YY1AP1: variants seen among roughly 807,000 people sequenced by gnomAD.
The protein encoded by YY1AP1 is YY1 associated protein 1.
In YY1AP1, 43 loss-of-function variants were observed where a neutral mutation model predicts 39.9. The observed-to-expected ratio is 1.08, with a 90% CI of 0.84 to 1.39. The LOEUF (loss-of-function observed/expected upper bound fraction) is 1.39, where lower values mean the gene tolerates loss of function less well. Ranked by LOEUF, YY1AP1 falls within the 40% of genes most tolerant of loss-of-function variation. The pLI is 0.00. For missense variants in YY1AP1, 813 were observed against 900.7 expected, an observed-to-expected ratio of 0.90 and a Z score of 1.25; for synonymous variants, 292 against 331.3, an observed-to-expected ratio of 0.88 and a Z score of 1.29.
At chr1:155,685,561 C>CT (rs1353304891) in intron 2 of YY1AP1, among the ~76,000 whole-genome samples, 1 of 152,152 alleles carries the variant, frequency 6.6e-6, no homozygotes, top group East Asian at 1.9e-4. Flanking sequence ...ATTAGCTTCC[C>CT]TTTTTACCAA....
chr1:155,680,609 C>T (rs879779344), intron 2 of YY1AP1, among the ~76,000 whole-genome samples, 153 bp from the exon 3 acceptor site: 14 of 152,206 alleles, frequency 9.2e-5, no homozygotes, highest in African/African-American at 2.7e-4. Context: ...CTCTGTCACC[C>T]GGGCTGGAGG....
At chr1:155,667,589 C>T (rs950919190) in intron 9 of YY1AP1, among the ~76,000 whole-genome samples, 6 of 151,880 alleles carry the variant, frequency 4.0e-5, no homozygotes, top group Non-Finnish European at 7.4e-5. Context: ...TTAGGGAGGC[C>T]GAGGCAGATG....
intron 1 of YY1AP1, 185 bp downstream of exon 1, chr1:155,688,474 A>G (rs1240076551): frequency 6.5e-7 from 1 of 1,549,496 alleles, no homozygotes; most frequent in Non-Finnish European, 8.7e-7. Context: ...TGTAGCGCGC[A>G]CGTCAGCCCG....
chr1:155,671,928 C>A (rs1157172644), intron 7 of YY1AP1, among the ~76,000 whole-genome samples: 1 of 152,180 alleles, frequency 6.6e-6, no homozygotes, highest in Non-Finnish European at 1.5e-5. Flanking sequence ...GAACAAACCA[C>A]AACTAATTTG....
intron 3 of YY1AP1, 30 bp from the exon 4 acceptor site, chr1:155,679,542 T>C: frequency 6.2e-7 from 1 of 1,613,964 alleles, no homozygotes; most frequent in Middle Eastern, 1.7e-4. Flanking sequence ...AGGGTTTTCC[T>C]GGGGAATGGG....
In YY1AP1 at chr1:155,676,612, T is replaced by C; in HGVS notation, c.260A>G (p.Glu87Gly). 6.2e-7 allele frequency: 1 copy of C among 1,614,202 alleles called. No individual in the cohort carries two copies. The highest frequency in any genetic ancestry group is 2.2e-5 in the East Asian group (1 of 44,882). The change falls in exon 5 of 11, where the codon GAA (glutamate) becomes GGA (glycine). Residue 87 changes from glutamate to glycine, a missense_variant. By Grantham distance (98) the Glu-to-Gly change is moderately conservative (BLOSUM62 -2). Coordinates refer to ENST00000355499, the MANE Select transcript of YY1AP1 (RefSeq NM_139119.3). Reference sequence around the variant, plus strand: ...GTCCAGAATCAGGGTCTGATGAACTTCCTTACACTGGGGTTTAACCTTCTC... The same window carrying C: ...GTCCAGAATCAGGGTCTGATGAACTCCCTTACACTGGGGTTTAACCTTCTC... ...EVEKVKPQCKEVHQTLILDPA... is the reference protein window; with the variant it reads ...EVEKVKPQCKGVHQTLILDPA...
intron 6 of YY1AP1, among the ~76,000 whole-genome samples, chr1:155,674,457 A>G (rs2149051607): frequency 6.6e-6 from 1 of 152,196 alleles, no homozygotes; most frequent in East Asian, 1.9e-4. Flanking sequence ...CTCAACATCT[A>G]TGAAATGAAT....
intron 5 of YY1AP1, among the ~76,000 whole-genome samples, chr1:155,675,335 A>G (rs1430747112): frequency 6.6e-6 from 1 of 150,968 alleles, no homozygotes; most frequent in East Asian, 2.0e-4. Flanking sequence ...TATTATTATT[A>G]TTATTATTTT....
chr1:155,663,517 G>A (rs968370896), intron 9 of YY1AP1, among the ~76,000 whole-genome samples: 13 of 151,774 alleles, frequency 8.6e-5, no homozygotes, highest in African/African-American at 2.9e-4. Context: ...TCAGGAGTTT[G>A]AGACCAGCCT....
At chr1:155,681,143 G>A (rs1326402279) in intron 2 of YY1AP1, among the ~76,000 whole-genome samples, 1 of 150,350 alleles carries the variant, frequency 6.7e-6, no homozygotes, top group Non-Finnish European at 1.5e-5. Flanking sequence ...CTATTCTCCT[G>A]CCTCAGCCTC....
chr1:155,670,018 C>T (rs892363269), intron 8 of YY1AP1, among the ~76,000 whole-genome samples: 1 of 152,088 alleles, frequency 6.6e-6, no homozygotes, highest in Non-Finnish European at 1.5e-5. Flanking sequence ...GAGTAAGATC[C>T]TGTCTCTAAA....
rs575258946 is a variant in YY1AP1 at position 155,667,953 on chromosome 1, AACACACACAC to A, written c.879+664_879+673del. ...ATACATACAGACACAGACACACACA[AACACACACAC>A]ACACACACACACACATACATGCATA... On this transcript the variant is annotated intron_variant, in intron 9 of 10. Coordinates refer to ENST00000355499, the MANE Select transcript of YY1AP1 (RefSeq NM_139119.3). Among the ~76,000 whole-genome samples the A allele has an allele frequency of 4.8e-5, 7 of 144,936 alleles. No homozygotes were observed. The East Asian group carries it at 9.9e-4, about 20-fold the overall frequency.
intron 2 of YY1AP1, among the ~76,000 whole-genome samples, chr1:155,680,830 G>A (rs978634681): frequency 6.6e-6 from 1 of 152,138 alleles, no homozygotes; most frequent in Admixed American, 6.5e-5. Context: ...GCTTCCCAAA[G>A]TGCTGGGGTT....
chr1:155,688,392 A>T, intron 1 of YY1AP1, 191 bp from the exon 2 acceptor site: 1 of 1,542,312 alleles, frequency 6.5e-7, no homozygotes. Context: ...GCGCCTAGCG[A>T]CACCCCCAAC....
chr1:155,664,746 A>C (rs955793300), intron 9 of YY1AP1, among the ~76,000 whole-genome samples: 2 of 151,364 alleles, frequency 1.3e-5, no homozygotes, highest in African/African-American at 4.8e-5. Flanking sequence ...ACATCGATAC[A>C]ATCAAAAGAC....
chr1:155,664,863 A>G (rs1571319521), intron 9 of YY1AP1, among the ~76,000 whole-genome samples: 1 of 148,678 alleles, frequency 6.7e-6, no homozygotes, highest in South Asian at 2.2e-4. Flanking sequence ...TCCACCTCCC[A>G]GGTTCACGCC....
At chr1:155,681,520 C>G (rs773907061) in intron 2 of YY1AP1, among the ~76,000 whole-genome samples, 2 of 152,038 alleles carry the variant, frequency 1.3e-5, no homozygotes, top group African/African-American at 2.4e-5. Context: ...GTCCAAGAAG[C>G]AGAGGCTGTA....
chr1:155,675,961 C>T (rs191948339), intron 5 of YY1AP1, among the ~76,000 whole-genome samples: 2 of 152,128 alleles, frequency 1.3e-5, no homozygotes, highest in African/African-American at 4.8e-5. Context: ...CAGTGACTCA[C>T]GCGTGTAATC....
chr1:155,660,368 G>C lies in YY1AP1; in HGVS notation c.1542C>G (p.Pro514=), dbSNP rs1229291865. 3 of 1,614,172 alleles carry C rather than the reference G, an allele frequency of 1.9e-6. No individual in the cohort carries two copies. The highest frequency in any genetic ancestry group is 1.7e-6 in the Non-Finnish European group (2 of 1,180,024). ...SSAPVPKVMM[P]SPASSMFRKP... is the part of the protein sequence containing the mutation. ...TTCGAAACATGGAAGAGGCAGGGGA[G>C]GGCATCATTACCTTGGGCACAGGGG... Residue 514 remains proline, a synonymous_variant, in exon 11 of 11, where the codon CCC becomes CCG. Coordinates refer to ENST00000355499, the MANE Select transcript of YY1AP1 (RefSeq NM_139119.3).
Sources: gnomAD v4.1 joint callset for allele counts (sites outside exome capture counted in the v4.1 genomes callset) on GRCh38, gnomAD v4.1.1 for gene constraint, MANE v1.5 for transcripts, NCBI Gene and HGNC (gene_info 2026-07-23, HGNC 2026-07-21) for gene names.